DOCK7: variants seen among roughly 807,000 people sequenced by gnomAD.
DOCK7 encodes dedicator of cytokinesis 7.
DOCK7 carries 138 observed loss-of-function variants against 271.0 expected under a neutral mutation model. That is an observed-to-expected ratio of 0.51 (90% CI 0.44 to 0.59). The LOEUF is 0.59. Ranked by LOEUF, DOCK7 falls within the 20% of genes least tolerant of loss-of-function variation. The pLI is 0.00. For missense variants in DOCK7, 2,066 were observed against 2,592.4 expected, an observed-to-expected ratio of 0.80 and a Z score of 4.41; for synonymous variants, 823 against 876.1, an observed-to-expected ratio of 0.94 and a Z score of 1.07.
chr1:62,609,671 C>G (rs1424406464), intron 14 of DOCK7: 1 of 152,120 alleles, frequency 6.6e-6, no homozygotes, highest in Non-Finnish European at 1.5e-5. Context: ...ATTCTCAGGA[C>G]AGAAGAACAA....
chr1:62,525,650 T>C (rs1644984459), intron 31 of DOCK7, among the ~76,000 whole-genome samples: 1 of 152,232 alleles, frequency 6.6e-6, no homozygotes, highest in Admixed American at 6.5e-5. Context: ...CAGGCTGTAA[T>C]GTCTGATTTC....
At chr1:62,601,079 C>G in intron 14 of DOCK7, 1 of 1,528,636 alleles carries the variant, frequency 6.5e-7, no homozygotes, top group Non-Finnish European at 9.1e-7. Context: ...ATTCTTTTAT[C>G]AGCTCAGAAG....
intron 1 of DOCK7, among the ~76,000 whole-genome samples, chr1:62,666,799 A>G (rs1422056797): frequency 7.3e-5 from 11 of 149,780 alleles, no homozygotes; most frequent in Non-Finnish European, 1.1e-4. Context: ...TATTAACTGC[A>G]AAGTAGAAAA....
intron 30 of DOCK7, 100 bp from the exon 31 acceptor site, chr1:62,528,405 G>T: frequency 9.2e-7 from 1 of 1,092,562 alleles, no homozygotes; most frequent in Non-Finnish European, 1.3e-6. Flanking sequence ...TTGTTGACAT[G>T]TTATAGTTAT....
chr1:62,508,023 T>C lies in DOCK7; in HGVS notation c.4415A>G (p.Asp1472Gly), dbSNP rs770382237. 6.0e-5 allele frequency: 96 copies of C among 1,613,028 alleles called. No individual in the cohort carries two copies. The Admixed American group carries it at 7.0e-4, about 12-fold the overall frequency. ...GTTTGCTTCTGTAGCCAGGTTTCCATCAATCAGTGCTTCGTGTTCAATCTC... is the reference window on the plus strand; with the variant it reads ...GTTTGCTTCTGTAGCCAGGTTTCCACCAATCAGTGCTTCGTGTTCAATCTC... ...RAEIEHEALI[D>G]GNLATEANLI... Residue 1472 changes from aspartate (D) to glycine (G), a missense_variant, in exon 35 of 50, where the codon GAT becomes GGT. This residue lies in a region of DOCK7 where 652 missense variants were observed against 922.1 expected (regional missense o/e 0.71). Transcript: ENST00000635253.
intron 10 of DOCK7, among the ~76,000 whole-genome samples, chr1:62,633,245 G>A (rs1654844782): frequency 6.6e-6 from 1 of 152,052 alleles, no homozygotes; most frequent in South Asian, 2.1e-4. Flanking sequence ...TTTTGAGATA[G>A]AAGAGATTTT....
chr1:62,545,068 A>T (rs747748095), intron 22 of DOCK7, 29 bp from the exon 23 acceptor site: 138 of 1,497,232 alleles, frequency 9.2e-5, no homozygotes, highest in Non-Finnish European at 1.2e-4. Flanking sequence ...GCAGTTTGAA[A>T]GGAAAGAAAT....
At position 62,561,781 on chromosome 1, in the gene DOCK7, C is replaced by T. The variant is rs529325925; in HGVS notation, c.2113-78G>A. On this transcript the variant is annotated intron_variant, in intron 18 of 49. Coordinates refer to ENST00000635253, the MANE Select transcript of DOCK7 (RefSeq NM_001367561.1). ...TGAAAATAAACAAAAATTACAATAT[C>T]CCAATGAGAAAAATATTGTGAAAAT... The T allele has an allele frequency of 8.5e-5, 65 of 766,864 alleles. No individual in the cohort carries two copies. In the South Asian group the frequency reaches 1.1e-3, roughly 13 times the overall value. The allele number at this position is 766,864 out of a possible 1,614,324, so 47.5% of individuals were successfully genotyped here. A position where few individuals can be genotyped will look rare whatever the true frequency, so the allele number is the denominator to read the frequency against.
intron 43 of DOCK7, among the ~76,000 whole-genome samples, chr1:62,479,899 G>A (rs1474273288): frequency 6.6e-6 from 1 of 151,964 alleles, no homozygotes; most frequent in Non-Finnish European, 1.5e-5. Flanking sequence ...TGCCCAGGCT[G>A]GTCTTGAATT....
rs750703394 is a variant in DOCK7 at position 62,625,329 on chromosome 1, CTTG to C, written c.1352_1354del (p.Thr451del). ...CGTCAAGTTACAAGCATCATCTCCACTTGTTGTCCTTTCAAGTGATCGTCTGCC... is the reference window on the plus strand; with the variant it reads ...CGTCAAGTTACAAGCATCATCTCCACTTGTCCTTTCAAGTGATCGTCTGCC... On this transcript the variant is annotated inframe_deletion, in exon 12 of 50. Transcript: ENST00000635253. The C allele has an allele frequency of 6.2e-6, 10 of 1,613,850 alleles. No homozygotes were observed. Among genetic ancestry groups the C allele is most frequent in the Admixed American group, 1.7e-5 (1 of 60,022 alleles).
chr1:62,659,269 G>C (rs1168947907), intron 2 of DOCK7, among the ~76,000 whole-genome samples: 1 of 152,120 alleles, frequency 6.6e-6, no homozygotes, highest in East Asian at 1.9e-4. Flanking sequence ...ATATACAGGA[G>C]AGGGTAAAGG....
chr1:62,547,098 T>C (rs191735877), intron 22 of DOCK7, among the ~76,000 whole-genome samples: 49 of 152,262 alleles, frequency 3.2e-4, no homozygotes, highest in Non-Finnish European at 1.0e-4. Context: ...AAAACTACAA[T>C]ATATGATAAT....
At chr1:62,576,847 T>C (rs903956824) in intron 18 of DOCK7, among the ~76,000 whole-genome samples, 11 of 152,204 alleles carry the variant, frequency 7.2e-5, no homozygotes, top group Admixed American at 2.6e-4. Context: ...TGATCTTCAA[T>C]TACAAAAAGA....
chr1:62,666,449 T>G (rs1024659623), intron 1 of DOCK7, among the ~76,000 whole-genome samples: 5 of 152,156 alleles, frequency 3.3e-5, no homozygotes, highest in Admixed American at 2.0e-4. Context: ...AATTTGAAAA[T>G]AAGTTGTGAT....
chr1:62,615,087 C>CA (rs1047832213), intron 14 of DOCK7, among the ~76,000 whole-genome samples: 37 of 151,984 alleles, frequency 2.4e-4, no homozygotes, highest in African/African-American at 8.4e-4. Context: ...ATAAGCTACA[C>CA]ATATAGTCGT....
chr1:62,477,650 G>T, intron 44 of DOCK7, 50 bp downstream of exon 44: 1 of 1,515,068 alleles, frequency 6.6e-7, no homozygotes. Context: ...CTAATCATCA[G>T]AGAGAATACA....
chr1:62,580,956 A>T (rs904260006), intron 16 of DOCK7, among the ~76,000 whole-genome samples: 1 of 152,182 alleles, frequency 6.6e-6, no homozygotes. Context: ...AGCTACACCC[A>T]TTTACTTGTA....
chr1:62,624,266 A>C (rs1174677764), intron 12 of DOCK7, among the ~76,000 whole-genome samples: 2 of 152,078 alleles, frequency 1.3e-5, no homozygotes, highest in African/African-American at 4.8e-5. Context: ...CTAAAGCAAT[A>C]TTTAACCTTA....
At chr1:62,614,527 C>G (rs184463805) in intron 14 of DOCK7, among the ~76,000 whole-genome samples, 4 of 151,862 alleles carry the variant, frequency 2.6e-5, no homozygotes, top group African/African-American at 9.7e-5. Flanking sequence ...TTCTCTTATC[C>G]AATTATACCC....
Sources: allele counts gnomAD v4.1 joint callset (sites outside exome capture counted in the v4.1 genomes callset), GRCh38; gene constraint gnomAD v4.1.1; regional missense constraint gnomAD v4.1.1; transcripts MANE v1.5; gene names NCBI Gene and HGNC (gene_info 2026-07-23, HGNC 2026-07-21).